The following KSR2 variants were observed in gnomAD, a reference collection of about 807,000 sequenced individuals.
KSR2 encodes kinase suppressor of ras 2.
KSR2 carries 25 observed loss-of-function variants against 107.8 expected under a neutral mutation model. The observed-to-expected ratio is 0.23, with a 90% CI of 0.17 to 0.32. KSR2 has a LOEUF of 0.32. Among genes scored for constraint, KSR2 ranks in the 10% least tolerant of loss-of-function variants. The pLI, the probability that KSR2 is intolerant of heterozygous loss-of-function variation, is 1.00. For synonymous variants in KSR2, 480 were observed against 507.0 expected (o/e 0.95, Z 0.71); for missense variants, 887 against 1,268.9 (o/e 0.70, Z 4.57).
chr12:117,812,023 G>T (rs534359927), intron 3 of KSR2, among the ~76,000 whole-genome samples: 1 of 152,278 alleles, frequency 6.6e-6, no homozygotes, highest in Admixed American at 6.5e-5. Context: ...CACTGAGCTT[G>T]GGCTCAAGGA....
intron 1 of KSR2, among the ~76,000 whole-genome samples, chr12:117,914,516 C>A (rs1422690962): frequency 6.6e-6 from 1 of 151,672 alleles, no homozygotes; most frequent in Non-Finnish European, 1.5e-5. Context: ...TTGGAAAATA[C>A]TCCACTGGTT....
At chr12:117,697,867 T>C (rs1369457163) in intron 4 of KSR2, among the ~76,000 whole-genome samples, 4 of 151,878 alleles carry the variant, frequency 2.6e-5, no homozygotes, top group East Asian at 1.9e-4. Context: ...AATAGGGTCA[T>C]TGCAGCTGTA....
At chr12:117,649,945 G>A (rs1046094591) in intron 5 of KSR2, among the ~76,000 whole-genome samples, 3 of 152,152 alleles carry the variant, frequency 2.0e-5, no homozygotes, top group Non-Finnish European at 4.4e-5. Context: ...TGAAGACAGG[G>A]ACCCCACATT....
At chr12:117,691,956 C>A (rs1885831248) in intron 4 of KSR2, among the ~76,000 whole-genome samples, 1 of 152,148 alleles carries the variant, frequency 6.6e-6, no homozygotes. Context: ...AAGCTGCTTG[C>A]ACAAGGGCAC....
chr12:117,768,634 C>T (rs1259257052), intron 3 of KSR2, among the ~76,000 whole-genome samples: 1 of 151,984 alleles, frequency 6.6e-6, no homozygotes, highest in Non-Finnish European at 1.5e-5. Context: ...GCCTGAGGCT[C>T]CTGGAAGCAT....
chr12:117,830,274 T>TA (rs779967811), intron 3 of KSR2, among the ~76,000 whole-genome samples: 337 of 122,174 alleles, frequency 2.8e-3, no homozygotes, highest in Non-Finnish European at 3.9e-3. Context: ...ATCTCAAAAA[T>TA]AAAAAAAAAA....
intron 5 of KSR2, among the ~76,000 whole-genome samples, chr12:117,650,548 C>T (rs1163123215): frequency 1.3e-5 from 2 of 152,036 alleles, no homozygotes; most frequent in African/African-American, 4.8e-5. Flanking sequence ...TATGATTAGA[C>T]CCAAAAATGC....
chr12:117,464,059 T>G lies in KSR2; in HGVS notation c.*3140A>C, dbSNP rs566714496. The G allele has an allele frequency of 6.6e-6, 1 of 152,166 alleles. No homozygotes were observed. Among genetic ancestry groups the G allele is most frequent in the African/African-American group, 2.4e-5 (1 of 41,430 alleles). 9.4% of individuals were successfully genotyped at this position (152,166 alleles called of 1,614,324 possible). On this transcript the variant is annotated 3_prime_UTR_variant, in exon 20 of 20. Transcript: ENST00000339824. ...GACAAAATGGATCTAAGCAATGACTTTGGGTTTCCAGCTTGGCTCTGGGGA... is the reference window on the plus strand; with the variant it reads ...GACAAAATGGATCTAAGCAATGACTGTGGGTTTCCAGCTTGGCTCTGGGGA...
At chr12:117,520,093 A>G (rs1363302269) in intron 14 of KSR2, among the ~76,000 whole-genome samples, 6 of 152,194 alleles carry the variant, frequency 3.9e-5, no homozygotes, top group Non-Finnish European at 7.4e-5. Context: ...GATGGAGCCC[A>G]TTCCCCTTGG....
chr12:117,814,190 T>C (rs73402902), intron 3 of KSR2, among the ~76,000 whole-genome samples: 5,612 of 152,192 alleles, frequency 0.037, 381 homozygotes, highest in African/African-American at 0.13. Context: ...AGTTCTAATG[T>C]TCTATACCAC....
At chr12:117,624,772 G>C (rs2136350370) in intron 5 of KSR2, among the ~76,000 whole-genome samples, 1 of 152,198 alleles carries the variant, frequency 6.6e-6, no homozygotes, top group African/African-American at 2.4e-5. Context: ...TAGCTTGATG[G>C]GGATGGCATT....
At position 117,656,963 on chromosome 12, in the gene KSR2, G is replaced by GAGATATATAT. The variant is rs1555225273; in HGVS notation, c.1171+10510_1171+10511insATATATATCT. On this transcript the variant is annotated intron_variant, in intron 5 of 19. Coordinates refer to ENST00000339824, the MANE Select transcript of KSR2 (RefSeq NM_173598.6). Reference sequence around the variant, plus strand: ...TAGGATATATATATATATATAATAGGATATATATATATAATAGGATATATA... The same window carrying GAGATATATAT: ...TAGGATATATATATATATATAATAGGAGATATATATATATATATATATAATAGGATATATA... Among the ~76,000 whole-genome samples the GAGATATATAT allele has an allele frequency of 6.8e-3, 603 of 88,068 alleles. 5 individuals carry two copies. Among genetic ancestry groups the GAGATATATAT allele is most frequent in the East Asian group, 0.053 (124 of 2,324 alleles). The allele number at this position is 88,068 out of a possible 152,430, so 57.8% of individuals were successfully genotyped here.
chr12:117,937,452 G>A (rs947025821), intron 1 of KSR2, among the ~76,000 whole-genome samples: 1 of 151,916 alleles, frequency 6.6e-6, no homozygotes, highest in Non-Finnish European at 1.5e-5. Context: ...TTGTTCTGGT[G>A]TTAAAGAACC....
chr12:117,947,210 AAAGAAAGAAAG>A (rs1566094611), intron 1 of KSR2, among the ~76,000 whole-genome samples: 9 of 87,864 alleles, frequency 1.0e-4, no homozygotes, highest in Non-Finnish European at 1.5e-4. Context: ...GAAAGAAAAG[AAAGAAAGAAAG>A]AAAGAAAGAA....
intron 1 of KSR2, among the ~76,000 whole-genome samples, chr12:117,914,443 A>G (rs1349758921): frequency 6.8e-6 from 1 of 147,214 alleles, no homozygotes; most frequent in Non-Finnish European, 1.5e-5. Context: ...AAAAAAAAAA[A>G]GCCAAACAAC....
chr12:117,902,495 TAA>T (rs35386887), intron 1 of KSR2, among the ~76,000 whole-genome samples: 10,236 of 102,234 alleles, frequency 0.1, 469 homozygotes, highest in South Asian at 0.19. Flanking sequence ...GACTCTGTCT[TAA>T]AAAAAAAAAA....
At chr12:117,551,601 C>T (rs933186335) in intron 9 of KSR2, among the ~76,000 whole-genome samples, 26 of 152,068 alleles carry the variant, frequency 1.7e-4, no homozygotes, top group African/African-American at 5.1e-4. Context: ...AAAAGCAGGG[C>T]CTTTGTGAAC....
intron 4 of KSR2, among the ~76,000 whole-genome samples, chr12:117,682,277 G>A (rs1285585098): frequency 6.6e-6 from 1 of 152,092 alleles, no homozygotes; most frequent in Non-Finnish European, 1.5e-5. Flanking sequence ...GCGGGGGCGG[G>A]GGGAGAGAGA....
At chr12:117,482,361 C>T (rs1360149002) in intron 16 of KSR2, among the ~76,000 whole-genome samples, 3 of 152,142 alleles carry the variant, frequency 2.0e-5, no homozygotes, top group Non-Finnish European at 2.9e-5. Flanking sequence ...CCAGTCAACC[C>T]ACAGAACTAT....
Sources: gnomAD v4.1 joint callset for allele counts (sites outside exome capture counted in the v4.1 genomes callset) on GRCh38, gnomAD v4.1.1 for gene constraint, MANE v1.5 for transcripts, NCBI Gene and HGNC (gene_info 2026-07-23, HGNC 2026-07-21) for gene names.